Variants in KCNAB1 observed in about 807,000 individuals in gnomAD.
The protein encoded by KCNAB1 is potassium voltage-gated channel subfamily A regulatory beta subunit 1, also known as voltage-gated potassium channel subunit beta-1.
In KCNAB1, 35 loss-of-function variants were observed where a neutral mutation model predicts 64.6. The observed-to-expected ratio is 0.54, with a 90% CI of 0.41 to 0.72. The LOEUF (loss-of-function observed/expected upper bound fraction) is 0.72. KCNAB1 is among the 30% of genes least tolerant of loss of function. The pLI is 0.00. For missense variants in KCNAB1, 401 were observed against 512.9 expected (o/e 0.78, Z 2.11); for synonymous variants, 177 against 183.8 (o/e 0.96, Z 0.30).
intron 1 of KCNAB1, chr3:156,291,035 C>G (rs1720372297): frequency 1.0e-6 from 1 of 985,704 alleles, no homozygotes; most frequent in East Asian, 1.1e-4. Context: ...CTGCCTTCCC[C>G]CAGTTCCAAC....
chr3:156,180,832 G>A (rs2108345218), intron 1 of KCNAB1, among the ~76,000 whole-genome samples: 1 of 152,258 alleles, frequency 6.6e-6, no homozygotes, highest in East Asian at 1.9e-4. Flanking sequence ...TGAAGAAGGT[G>A]GAAACAGAGA....
intron 2 of KCNAB1, among the ~76,000 whole-genome samples, chr3:156,449,562 T>C (rs57357532): frequency 0.26 from 40,195 of 152,186 alleles, 11,138 homozygotes; most frequent in African/African-American, 0.7. Context: ...AGTTTGATAA[T>C]GTCTAATCAT....
At chr3:156,256,011 G>A (rs1718079319) in intron 1 of KCNAB1, among the ~76,000 whole-genome samples, 1 of 152,198 alleles carries the variant, frequency 6.6e-6, no homozygotes, top group African/African-American at 2.4e-5. Context: ...GTAAATATAT[G>A]CTTAATAAAT....
intron 7 of KCNAB1, among the ~76,000 whole-genome samples, chr3:156,471,330 G>T (rs1248236496): frequency 6.6e-6 from 1 of 152,062 alleles, no homozygotes; most frequent in Admixed American, 6.5e-5. Flanking sequence ...GTTAAACTTT[G>T]GAACCTAAAA....
chr3:156,428,524 C>G (rs1715985569), intron 2 of KCNAB1, among the ~76,000 whole-genome samples: 1 of 151,636 alleles, frequency 6.6e-6, no homozygotes, highest in Non-Finnish European at 1.5e-5. Context: ...CACACACACA[C>G]ACACACACAC....
intron 1 of KCNAB1, among the ~76,000 whole-genome samples, chr3:156,290,587 C>T (rs762926249): frequency 6.6e-6 from 1 of 152,182 alleles, no homozygotes; most frequent in Non-Finnish European, 1.5e-5. Flanking sequence ...GGTTCAGAGT[C>T]CCCAGGGATG....
intron 1 of KCNAB1, among the ~76,000 whole-genome samples, chr3:156,190,284 C>T (rs1248144190): frequency 1.3e-5 from 2 of 152,174 alleles, no homozygotes; most frequent in Non-Finnish European, 2.9e-5. Context: ...GTTTTCCTTA[C>T]CGCTAGGACC....
intron 2 of KCNAB1, among the ~76,000 whole-genome samples, chr3:156,427,523 C>A (rs1032102787): frequency 3.9e-5 from 6 of 152,088 alleles, no homozygotes; most frequent in African/African-American, 1.2e-4. Context: ...AGCAGGTATT[C>A]AAAATATTTT....
chr3:156,307,089 T>C (rs1292571361), intron 1 of KCNAB1, among the ~76,000 whole-genome samples: 2 of 152,250 alleles, frequency 1.3e-5, no homozygotes, highest in African/African-American at 4.8e-5. Context: ...ACATGTCATA[T>C]GTCTTGCTAC....
intron 8 of KCNAB1, among the ~76,000 whole-genome samples, chr3:156,506,123 A>G (rs1379729246): frequency 6.6e-6 from 1 of 152,204 alleles, no homozygotes; most frequent in Non-Finnish European, 1.5e-5. Context: ...TTTTTCAGCT[A>G]GTTTGTTGTT....
chr3:156,173,356 G>T (rs921259110), intron 1 of KCNAB1, among the ~76,000 whole-genome samples: 10 of 152,116 alleles, frequency 6.6e-5, no homozygotes, highest in Admixed American at 2.0e-4. Flanking sequence ...GAAGAAGAGG[G>T]TCTAAAAAAA....
At chr3:156,435,124 A>G (rs1180008202) in intron 2 of KCNAB1, among the ~76,000 whole-genome samples, 2 of 152,232 alleles carry the variant, frequency 1.3e-5, no homozygotes, top group East Asian at 3.8e-4. Flanking sequence ...TTTCCATACC[A>G]TAGAGAGTCA....
chr3:156,497,984 A>G (rs1200242423), intron 8 of KCNAB1, among the ~76,000 whole-genome samples: 2 of 152,236 alleles, frequency 1.3e-5, no homozygotes, highest in African/African-American at 2.4e-5. Flanking sequence ...TGTCTAAACA[A>G]GATCTAGTTT....
chr3:156,529,504 A>G (rs76799856), intron 12 of KCNAB1, among the ~76,000 whole-genome samples: 1 of 151,300 alleles, frequency 6.6e-6, no homozygotes, highest in Admixed American at 6.6e-5. Context: ...AAAAAAAAAA[A>G]GAGCATGGTC....
chr3:156,161,664 C>T (rs1431977086), intron 1 of KCNAB1, among the ~76,000 whole-genome samples: 1 of 151,992 alleles, frequency 6.6e-6, no homozygotes, highest in Non-Finnish European at 1.5e-5. Flanking sequence ...TTAATTCTAC[C>T]CACATATGGG....
chr3:156,342,609 A>ATTTTTTTTTTTTTTTTTTTTT (rs59689669), intron 1 of KCNAB1, among the ~76,000 whole-genome samples: 5 of 104,694 alleles, frequency 4.8e-5, no homozygotes, highest in South Asian at 3.1e-4. Context: ...TTTTTTTTTA[A>ATTTTTTTTTTTTTTTTTTTTT]TTTTTTTTTT....
chr3:156,509,590 G>GC, intron 8 of KCNAB1, among the ~76,000 whole-genome samples: 1 of 152,266 alleles, frequency 6.6e-6, no homozygotes, highest in South Asian at 2.1e-4. Flanking sequence ...AGTTTGTAAA[G>GC]CCCCCACTCC....
chr3:156,298,068 A>G (rs1224553291), intron 1 of KCNAB1, among the ~76,000 whole-genome samples: 1 of 152,186 alleles, frequency 6.6e-6, no homozygotes, highest in Non-Finnish European at 1.5e-5. Flanking sequence ...AATGGTGAGA[A>G]TGGGGAGGTG....
intron 2 of KCNAB1, among the ~76,000 whole-genome samples, chr3:156,426,223 C>T (rs1404266084): frequency 6.6e-6 from 1 of 152,146 alleles, no homozygotes; most frequent in Non-Finnish European, 1.5e-5. Context: ...GCAAAGGCTC[C>T]ATCTCTCTCC....
Sources: allele counts gnomAD v4.1 joint callset (sites outside exome capture counted in the v4.1 genomes callset), GRCh38; gene constraint gnomAD v4.1.1; transcripts MANE v1.5; gene names NCBI Gene and HGNC (gene_info 2026-07-23, HGNC 2026-07-21).